Variants in ATP13A4 observed in about 807,000 individuals in gnomAD.
ATP13A4 encodes ATPase 13A4.
Under a neutral mutation model 142.5 loss-of-function variants are expected in ATP13A4, and 114 were observed. That is an observed-to-expected ratio of 0.80 (90% confidence interval 0.69 to 0.93). The LOEUF is 0.93. Among genes scored for constraint, ATP13A4 ranks in the 40% least tolerant of loss-of-function variants. The pLI is 0.00. For missense variants in ATP13A4, 1,392 were observed against 1,454.0 expected (o/e 0.96, Z 0.69); for synonymous variants, 488 against 514.8 (o/e 0.95, Z 0.70).
Position 193,489,732 on chromosome 3 carries a change from C to T in ATP13A4, c.736G>A (p.Glu246Lys), listed in dbSNP as rs1172684619. 6.2e-7 allele frequency: 1 copy of T among 1,608,456 alleles called. No homozygotes were observed. Among genetic ancestry groups the T allele is most frequent in the Non-Finnish European group, 8.5e-7 (1 of 1,175,032 alleles). ...ATAGAATTAATAGAAAAACTCACCT[C>T]TCTGAGATCATATACTGTCAAAGAT... ...SISLTVYDLR[E>K]QSVKLHHLVE... is the part of the protein sequence containing the mutation. The change falls in exon 7 of 30, where the codon GAG becomes AAG. Residue 246 changes from glutamate (E) to lysine (K), a missense_variant and splice_region_variant. Physicochemically the swap from Glu to Lys is moderately conservative, Grantham distance 56. Transcript: ENST00000342695.
chr3:193,516,320 C>G (rs777210324), intron 1 of ATP13A4, among the ~76,000 whole-genome samples: 6 of 152,158 alleles, frequency 3.9e-5, no homozygotes, highest in Non-Finnish European at 5.9e-5. Flanking sequence ...ATACAGGTGC[C>G]GAATGGCTTT....
At position 193,440,214 on chromosome 3, in the gene ATP13A4, C is replaced by T. The variant is rs1428657509; in HGVS notation, c.2519+344G>A. 1.4e-5 allele frequency: 4 copies of T among 292,834 alleles called. No individual in the cohort carries two copies. In the Admixed American group the frequency reaches 1.4e-4, roughly 10 times the overall value. The allele number at this position is 292,834 out of a possible 1,614,324, so 18.1% of individuals were successfully genotyped here. A position where few individuals can be genotyped will look rare whatever the true frequency, so the allele number is the denominator to read the frequency against. On this transcript the variant is annotated intron_variant, in intron 21 of 29. Transcript: ENST00000342695. ...ATACAAATAAATTCTCACTGTCCCT[C>T]CAGGAGCTGAGCTCAAGCCACCTTT...
At chr3:193,531,297 A>AGGGAGGGAGGAAGGAAGGAAGGGAG (rs1351666676) in intron 1 of ATP13A4, among the ~76,000 whole-genome samples, 3 of 20,412 alleles carry the variant, frequency 1.5e-4, no homozygotes, top group East Asian at 2.2e-3. Context: ...GGAGGGAGGG[A>AGGGAGGGAGGAAGGAAGGAAGGGAG]GGAAGGAAGG....
chr3:193,531,314 GGAA>G (rs1199299012), intron 1 of ATP13A4, among the ~76,000 whole-genome samples: 89 of 101,436 alleles, frequency 8.8e-4, no homozygotes, highest in Non-Finnish European at 1.4e-3. Flanking sequence ...AAGGAAGGAA[GGAA>G]GGAAGGAAGG....
At chr3:193,541,295 G>A (rs1312646624) in intron 1 of ATP13A4, among the ~76,000 whole-genome samples, 2 of 142,234 alleles carry the variant, frequency 1.4e-5, no homozygotes, top group African/African-American at 5.2e-5. Flanking sequence ...AGTGTTTTTT[G>A]AAAAGCCTTT....
chr3:193,406,684 T>C (rs759907983), intron 29 of ATP13A4, among the ~76,000 whole-genome samples: 1 of 152,218 alleles, frequency 6.6e-6, no homozygotes, highest in Non-Finnish European at 1.5e-5. Context: ...AAAAGCTCAC[T>C]ATGAATGTTA....
chr3:193,432,732 TA>T (rs1477630288), intron 25 of ATP13A4, among the ~76,000 whole-genome samples: 7 of 151,544 alleles, frequency 4.6e-5, no homozygotes, highest in African/African-American at 1.7e-4. Context: ...ACTTAAAGTA[TA>T]ATAATAAAAG....
At chr3:193,440,451 C>T (rs1007731485) in intron 21 of ATP13A4, 107 bp downstream of exon 21, 21 of 1,568,042 alleles carry the variant, frequency 1.3e-5, no homozygotes, top group East Asian at 6.8e-5. Flanking sequence ...AGCCGAAGTA[C>T]GGACCACTGC....
At chr3:193,455,070 G>A (rs917757347) in intron 16 of ATP13A4, among the ~76,000 whole-genome samples, 1 of 151,994 alleles carries the variant, frequency 6.6e-6, no homozygotes, top group Non-Finnish European at 1.5e-5. Context: ...CGGGTGTGGT[G>A]GCTCAAGCCT....
At chr3:193,468,796 G>A (rs1718453399) in intron 9 of ATP13A4, among the ~76,000 whole-genome samples, 1 of 152,182 alleles carries the variant, frequency 6.6e-6, no homozygotes, top group Non-Finnish European at 1.5e-5. Flanking sequence ...TTGAGAAAAT[G>A]TTTGTATTGG....
At position 193,428,295 on chromosome 3, in the gene ATP13A4, G is replaced by A. The variant is rs1370460848; in HGVS notation, c.2842+5550C>T. 9.2e-5 allele frequency among the ~76,000 whole-genome samples: 14 copies of A among 151,392 alleles called. No individual in the cohort carries two copies. In the East Asian group the frequency reaches 2.7e-3, roughly 29 times the overall value. ...TAATTAGAAAGTCAGGAAACAACAG[G>A]TGTTGGAGAGGATGTGGAGAAACAG... On this transcript the variant is annotated intron_variant, in intron 25 of 29. Coordinates refer to ENST00000342695, the MANE Select transcript of ATP13A4 (RefSeq NM_032279.4).
intron 8 of ATP13A4, among the ~76,000 whole-genome samples, chr3:193,479,450 C>G (rs951766693): frequency 4.6e-5 from 7 of 152,118 alleles, no homozygotes; most frequent in African/African-American, 1.4e-4. Context: ...GTATACAAAT[C>G]ACTAGTTCTG....
intron 25 of ATP13A4, among the ~76,000 whole-genome samples, chr3:193,432,685 C>T (rs1237174296): frequency 2.6e-5 from 4 of 151,640 alleles, no homozygotes; most frequent in Non-Finnish European, 4.4e-5. Context: ...TCTAGAAAAG[C>T]CAAACAAACC....
intron 10 of ATP13A4, among the ~76,000 whole-genome samples, chr3:193,466,983 CA>C (rs1159346454): frequency 6.6e-6 from 1 of 151,832 alleles, no homozygotes; most frequent in Non-Finnish European, 1.5e-5. Context: ...TTTGATAGTA[CA>C]AAGGGTGACT....
chr3:193,501,512 C>T (rs1374412624), intron 3 of ATP13A4, among the ~76,000 whole-genome samples: 5 of 150,330 alleles, frequency 3.3e-5, no homozygotes, highest in South Asian at 4.3e-4. Context: ...TGCTTGAACC[C>T]GGGAGGTGGA....
In ATP13A4 at chr3:193,493,127, C is replaced by G. The variant is rs1411605720; in HGVS notation, c.415G>C (p.Val139Leu). Reference sequence around the variant, plus strand: ...AACTGTCCTTCTAAGTAGTTCCAAACATATCTTATTTTCTGCACTTTGATG... The same window carrying G: ...AACTGTCCTTCTAAGTAGTTCCAAAGATATCTTATTTTCTGCACTTTGATG... ...RCIKVQKIRY[V>L]WNYLEGQFQK... is the part of the protein sequence containing the mutation. Residue 139 changes from valine to leucine, a missense_variant, in exon 4 of 30, where the codon GTT (valine) becomes CTT (leucine). Coordinates refer to ENST00000342695, the MANE Select transcript of ATP13A4 (RefSeq NM_032279.4). 6.2e-7 allele frequency: 1 copy of G among 1,613,244 alleles called. No homozygotes were observed.
intron 1 of ATP13A4, among the ~76,000 whole-genome samples, chr3:193,591,850 C>T (rs1354383044): frequency 6.6e-6 from 1 of 151,928 alleles, no homozygotes; most frequent in Non-Finnish European, 1.5e-5. Context: ...TCTAAAATAA[C>T]AAGGAAGTAA....
chr3:193,410,181 G>A (rs184038177), intron 28 of ATP13A4, among the ~76,000 whole-genome samples: 4 of 152,156 alleles, frequency 2.6e-5, no homozygotes, highest in East Asian at 1.9e-4. Context: ...TAAAATATAA[G>A]AGAGTTTATG....
At chr3:193,547,460 C>G (rs911429378) in intron 1 of ATP13A4, among the ~76,000 whole-genome samples, 3 of 152,120 alleles carry the variant, frequency 2.0e-5, no homozygotes, top group Non-Finnish European at 4.4e-5. Flanking sequence ...TGTGTATTCC[C>G]CCACCTGATT....
Sources: allele counts gnomAD v4.1 joint callset (sites outside exome capture counted in the v4.1 genomes callset), GRCh38; gene constraint gnomAD v4.1.1; transcripts MANE v1.5; gene names NCBI Gene and HGNC (gene_info 2026-07-23, HGNC 2026-07-21).